SLC9A9: variants seen among roughly 807,000 people sequenced by gnomAD.
SLC9A9 encodes the protein sodium/hydrogen exchanger 9.
SLC9A9 carries 62 observed loss-of-function variants against 77.8 expected under a neutral mutation model. The observed-to-expected ratio is 0.80, with a 90% CI of 0.65 to 0.98. SLC9A9 has a LOEUF of 0.98. Among genes scored for constraint, SLC9A9 ranks in the 50% least tolerant of loss-of-function variants. The pLI is 0.00. For synonymous variants in SLC9A9, 320 were observed against 283.5 expected (o/e 1.13, Z -1.29); for missense variants, 775 against 774.9 (o/e 1.00, Z 0.00).
rs373695106 is a variant in SLC9A9, at chr3:143,268,951, C to T, written c.1634G>A (p.Gly545Asp). 1.1e-5 allele frequency: 17 copies of T among 1,613,364 alleles called. No homozygotes were observed. The Middle Eastern group carries it at 8.2e-4, about 78-fold the overall frequency. ...KYLKPILTHS[G>D]PPLTTTLPEW... Reference sequence around the variant, plus strand: ...AGGTAATGTTGTAGTCAGCGGAGGACCAGAGTGGGTTAAAATTGGTTTCAG... The same window carrying T: ...AGGTAATGTTGTAGTCAGCGGAGGATCAGAGTGGGTTAAAATTGGTTTCAG... Residue 545 changes from glycine (G) to aspartate (D), a missense_variant, in exon 15 of 16, where the codon GGT (glycine) becomes GAT (aspartate). Transcript: ENST00000316549.
chr3:143,738,277 G>C (rs536887337), intron 4 of SLC9A9, among the ~76,000 whole-genome samples: 2 of 152,140 alleles, frequency 1.3e-5, no homozygotes, highest in African/African-American at 2.4e-5. Flanking sequence ...GCTTAGGGCA[G>C]TACCGGATAG....
At chr3:143,840,281 C>A (rs1276851062) in intron 1 of SLC9A9, among the ~76,000 whole-genome samples, 2 of 152,096 alleles carry the variant, frequency 1.3e-5, no homozygotes, top group African/African-American at 4.8e-5. Context: ...GAAATTCCAT[C>A]AAAACCCATA....
chr3:143,445,917 A>G (rs567210349), intron 12 of SLC9A9, among the ~76,000 whole-genome samples: 158 of 152,262 alleles, frequency 1.0e-3, no homozygotes, highest in African/African-American at 3.7e-3. Flanking sequence ...TATCAAGACT[A>G]ACAAGAACAG....
chr3:143,558,804 G>T (rs554432505), intron 8 of SLC9A9, among the ~76,000 whole-genome samples: 11 of 152,146 alleles, frequency 7.2e-5, no homozygotes, highest in Non-Finnish European at 1.6e-4. Flanking sequence ...GACTTTGGGG[G>T]ACTGTTGGAA....
chr3:143,416,657 C>T (rs138261512), intron 12 of SLC9A9, among the ~76,000 whole-genome samples: 204 of 152,178 alleles, frequency 1.3e-3, no homozygotes, highest in African/African-American at 4.7e-3. Flanking sequence ...CTTTCATATG[C>T]ACTGGGAAAA....
chr3:143,578,713 T>C lies in SLC9A9; in HGVS notation c.766A>G (p.Ile256Val), dbSNP rs764019572. Residue 256 changes from isoleucine (I) to valine (V), a missense_variant, in exon 7 of 16, where the codon ATT (isoleucine) becomes GTT (valine). Ile to Val is a conservative substitution (Grantham distance 29, BLOSUM62 3). Transcript: ENST00000316549. ...TTTGGATTCTCCTTGGGACTGTAAA[T>C]GGATATAGAACTGAAAAGAGAAGAG... is the stretch of plus-strand genomic sequence containing the variant. ...VAIVLTYSIS[I>V]YSPKENPNAF... The C allele has an allele frequency of 6.2e-7, 1 of 1,614,006 alleles. No individual in the cohort carries two copies. The highest frequency in any genetic ancestry group is 8.5e-7 in the Non-Finnish European group (1 of 1,179,904).
At chr3:143,302,817 G>A (rs2030586808) in intron 14 of SLC9A9, among the ~76,000 whole-genome samples, 1 of 152,154 alleles carries the variant, frequency 6.6e-6, no homozygotes, top group Admixed American at 6.5e-5. Flanking sequence ...AAGTGAAGTG[G>A]GTCACTGTCA....
chr3:143,695,475 G>C (rs1933607632), intron 4 of SLC9A9, among the ~76,000 whole-genome samples: 1 of 152,052 alleles, frequency 6.6e-6, no homozygotes, highest in Admixed American at 6.6e-5. Context: ...TGAGAATGAT[G>C]GTTTCCAGCT....
At chr3:143,686,279 A>C (rs1485275076) in intron 5 of SLC9A9, among the ~76,000 whole-genome samples, 1 of 152,202 alleles carries the variant, frequency 6.6e-6, no homozygotes, top group East Asian at 1.9e-4. Context: ...GAAAAGAGGA[A>C]AAAAATCCAG....
intron 5 of SLC9A9, among the ~76,000 whole-genome samples, chr3:143,668,269 G>A (rs959300776): frequency 6.8e-6 from 1 of 146,204 alleles, no homozygotes; most frequent in African/African-American, 2.5e-5. Context: ...CTCGTAGGTG[G>A]GAACTAAACA....
At chr3:143,506,640 C>A (rs1473125425) in intron 9 of SLC9A9, among the ~76,000 whole-genome samples, 1 of 152,076 alleles carries the variant, frequency 6.6e-6, no homozygotes, top group African/African-American at 2.4e-5. Context: ...GAGTTTGTGG[C>A]TGACATATGA....
chr3:143,297,188 T>G (rs143266948), intron 14 of SLC9A9, among the ~76,000 whole-genome samples: 23 of 152,218 alleles, frequency 1.5e-4, no homozygotes, highest in African/African-American at 5.1e-4. Flanking sequence ...GAGTTGATTT[T>G]TGTGTGTGTG....
At chr3:143,361,553 A>G (rs1376703524) in intron 14 of SLC9A9, among the ~76,000 whole-genome samples, 1 of 152,236 alleles carries the variant, frequency 6.6e-6, no homozygotes. Context: ...GCTACTCTCT[A>G]GGTATAAATT....
intron 4 of SLC9A9, among the ~76,000 whole-genome samples, chr3:143,754,070 C>T (rs978339631): frequency 2.0e-5 from 3 of 152,036 alleles, no homozygotes; most frequent in Non-Finnish European, 2.9e-5. Context: ...AGTTTTGGAT[C>T]GGCCTTTCAG....
intron 14 of SLC9A9, among the ~76,000 whole-genome samples, chr3:143,351,558 G>C (rs781085659): frequency 1.3e-5 from 2 of 152,110 alleles, no homozygotes; most frequent in East Asian, 1.9e-4. Flanking sequence ...TTGATGGTGG[G>C]GGGGAGTACC....
At chr3:143,685,766 C>A (rs1435664021) in intron 5 of SLC9A9, among the ~76,000 whole-genome samples, 1 of 152,118 alleles carries the variant, frequency 6.6e-6, no homozygotes, top group African/African-American at 2.4e-5. Flanking sequence ...CTAAAAGAAG[C>A]TACTATTTTG....
At chr3:143,816,283 A>G in intron 2 of SLC9A9, among the ~76,000 whole-genome samples, 1 of 152,216 alleles carries the variant, frequency 6.6e-6, no homozygotes, top group Non-Finnish European at 1.5e-5. Context: ...AGCTCACTGT[A>G]ACCTTGAACT....
Position 143,388,268 on chromosome 3 carries a change from T to C in SLC9A9, c.1470-6154A>G, listed in dbSNP as rs144457609. ...TCCTGGAGTTTGTGTAAGACCAACA[T>C]TAATACAATTAATAATTCAAATATT... On this transcript the variant is annotated intron_variant, in intron 12 of 15. Coordinates refer to ENST00000316549, the MANE Select transcript of SLC9A9 (RefSeq NM_173653.4). Among the ~76,000 whole-genome samples the C allele has an allele frequency of 1.1e-4, 17 of 152,254 alleles. No individual in the cohort carries two copies. The East Asian group carries it at 3.3e-3, about 29-fold the overall frequency.
At chr3:143,352,810 G>T (rs1404773964) in intron 14 of SLC9A9, among the ~76,000 whole-genome samples, 2 of 152,158 alleles carry the variant, frequency 1.3e-5, no homozygotes, top group South Asian at 2.1e-4. Context: ...TGGGTATTTT[G>T]CAGGGCAGCT....
Sources: allele counts gnomAD v4.1 joint callset (sites outside exome capture counted in the v4.1 genomes callset), GRCh38; gene constraint gnomAD v4.1.1; transcripts MANE v1.5; gene names NCBI Gene and HGNC (gene_info 2026-07-23, HGNC 2026-07-21).